RPS6KA4: variants seen among roughly 807,000 people sequenced by gnomAD.
RPS6KA4 encodes ribosomal protein S6 kinase alpha-4.
A neutral mutation model predicts 89.6 loss-of-function variants in RPS6KA4; 38 were observed. The ratio of observed to expected loss-of-function variants is 0.42; its 90% CI spans 0.33 to 0.56. The LOEUF is 0.56. RPS6KA4 is among the 20% of genes least tolerant of loss of function. The probability of loss-of-function intolerance (pLI) is 0.07; values close to 1 mark genes in which losing one functional copy is unlikely to be tolerated. For missense variants in RPS6KA4, 873 were observed against 1,098.8 expected, an observed-to-expected ratio of 0.79 and a Z score of 2.90; for synonymous variants, 495 against 492.8, an observed-to-expected ratio of 1.00 and a Z score of -0.06.
rs2135348768 is a variant in RPS6KA4, at chr11:64,370,816, C to T, written c.2121+90C>T. ...GCCCGGCCATCGGAGCACAGAAAGG[C>T]GAGGTGAGGCCGGGCGCGGTGGCTC... is the stretch of plus-strand genomic sequence containing the variant. On this transcript the variant is annotated intron_variant, in intron 16 of 16. Coordinates refer to ENST00000334205, the MANE Select transcript of RPS6KA4 (RefSeq NM_003942.3). This position sits in a 1 kb window ranked among gnomAD's most constrained non-coding sequence, Gnocchi z 4.1. 1.4e-6 allele frequency: 2 copies of T among 1,413,444 alleles called. No individual in the cohort carries two copies. Among genetic ancestry groups the T allele is most frequent in the East Asian group, 2.5e-5 (1 of 39,652 alleles). 87.6% of individuals were successfully genotyped at this position (1,413,444 alleles called of 1,614,324 possible).
At chr11:64,359,546 C>A in intron 2 of RPS6KA4, 97 bp downstream of exon 2, 4 of 1,308,538 alleles carry the variant, frequency 3.1e-6, no homozygotes, top group Non-Finnish European at 2.1e-6. Context: ...CTGAGCAGGC[C>A]CCCCACCCTT....
chr11:64,365,539 G>A (rs1367200638), intron 9 of RPS6KA4, 74 bp downstream of exon 9: 74 of 1,539,428 alleles, frequency 4.8e-5, no homozygotes, highest in Non-Finnish European at 5.6e-5. Context: ...TGGCTGGCCC[G>A]AGGACACTGC....
chr11:64,361,090 G>T lies in RPS6KA4; in HGVS notation c.463-44G>T. ...GGCCAGGAGCTGGAGGAGCTGGGGA[G>T]GGTTTCGGGGAGGAAGCCTCAGCAC... On this transcript the variant is annotated intron_variant, in intron 4 of 16. Transcript: ENST00000334205. The surrounding 1 kb of genome is among the most constrained non-coding windows in gnomAD (Gnocchi z 4.7). 6.4e-7 allele frequency: 1 copy of T among 1,552,596 alleles called. No individual in the cohort carries two copies. Among genetic ancestry groups the T allele is most frequent in the South Asian group, 1.1e-5 (1 of 88,156 alleles).
At chr11:64,369,333 A>C in intron 12 of RPS6KA4, 113 bp from the exon 13 acceptor site, 2 of 1,102,082 alleles carry the variant, frequency 1.8e-6, no homozygotes, top group Non-Finnish European at 2.5e-6. Flanking sequence ...GACTTTGAGG[A>C]GGGGGTTCTC....
intron 12 of RPS6KA4, 142 bp downstream of exon 12, chr11:64,368,939 A>C (rs552147664): frequency 1.3e-6 from 1 of 785,690 alleles, no homozygotes. Context: ...AGGCGCAGGG[A>C]GTGGAATTTG....
Position 64,361,398 on chromosome 11 carries a change from C to T in RPS6KA4, c.571-71C>T. 6.4e-7 allele frequency: 1 copy of T among 1,563,522 alleles called. No individual in the cohort carries two copies. The highest frequency in any genetic ancestry group is 8.8e-7 in the Non-Finnish European group (1 of 1,137,418). ...AACCTCACAAGTTGAGCGAGTCTTA[C>T]TCTGGGCCTTGTGGGGCACTGGGGC... On this transcript the variant is annotated intron_variant, in intron 5 of 16. Coordinates refer to ENST00000334205, the MANE Select transcript of RPS6KA4 (RefSeq NM_003942.3). The surrounding 1 kb of genome is among the most constrained non-coding windows in gnomAD (Gnocchi z 4.7).
Position 64,368,261 on chromosome 11 carries a change from G to GTGGGA in RPS6KA4, c.1200+5_1200+6insATGGG. ...GGTGGCCAGGAGCGCTATGATGCAGGTGGGCTGGGCTGGGCTGGGTTGGGG... is the reference window on the plus strand; with the variant it reads ...GGTGGCCAGGAGCGCTATGATGCAGGTGGGATGGGCTGGGCTGGGCTGGGTTGGGG... On this transcript the variant is annotated splice_donor_variant, in intron 10 of 16. Transcript: ENST00000334205. LOFTEE classifies it high-confidence loss of function. 2 of 1,613,190 alleles carry GTGGGA rather than the reference G, an allele frequency of 1.2e-6. No homozygotes were observed. Among genetic ancestry groups the GTGGGA allele is most frequent in the Non-Finnish European group, 1.7e-6 (2 of 1,179,936 alleles).
In RPS6KA4 at chr11:64,361,674, C is replaced by G. The variant is rs1045818808; in HGVS notation, c.684C>G (p.Leu228=). 3 of 1,612,668 alleles carry G rather than the reference C, an allele frequency of 1.9e-6. No homozygotes were observed. The highest frequency in any genetic ancestry group is 1.1e-5 in the South Asian group (1 of 91,048). ...ACTGGTGGAGCCTGGGCATCTTGCTCTTCGAGCTGCTGACGGGGGCCTCGC... is the reference window on the plus strand; with the variant it reads ...ACTGGTGGAGCCTGGGCATCTTGCTGTTCGAGCTGCTGACGGGGGCCTCGC... ...AVDWWSLGIL[L]FELLTGASPF... is the part of the protein sequence containing the mutation. Residue 228 remains leucine, a synonymous_variant, in exon 7 of 17, where the codon CTC becomes CTG. Transcript: ENST00000334205. This position sits in a 1 kb window ranked among gnomAD's most constrained non-coding sequence, Gnocchi z 4.7.
chr11:64,370,541 C>T lies in RPS6KA4; in HGVS notation c.1958-22C>T, dbSNP rs764677381. On this transcript the variant is annotated intron_variant, in intron 15 of 16. Coordinates refer to ENST00000334205, the MANE Select transcript of RPS6KA4 (RefSeq NM_003942.3). The surrounding 1 kb of genome is among the most constrained non-coding windows in gnomAD (Gnocchi z 4.1). The stretch of plus-strand genomic sequence containing the variant: ...AGCCTTTACGCCAGGCTCCTCCCCA[C>T]ACTTCCTTGCCCCGCCTCCAGGGCT... The T allele has an allele frequency of 1.5e-4, 233 of 1,588,928 alleles. No individual in the cohort carries two copies. Among genetic ancestry groups the T allele is most frequent in the Admixed American group, 2.4e-4 (14 of 58,016 alleles).
intron 8 of RPS6KA4, among the ~76,000 whole-genome samples, chr11:64,362,430 C>T (rs1487937136): frequency 6.6e-6 from 1 of 152,218 alleles, no homozygotes; most frequent in Non-Finnish European, 1.5e-5. Context: ...TTGTCCCCGT[C>T]CCTGTACAGT....
Position 64,370,399 on chromosome 11 carries a change from G to T in RPS6KA4, c.1957+15G>T. On this transcript the variant is annotated intron_variant, in intron 15 of 16. Transcript: ENST00000334205. The surrounding 1 kb of genome is among the most constrained non-coding windows in gnomAD (Gnocchi z 4.1). The stretch of plus-strand genomic sequence containing the variant: ...GCTGGTCCGAGGTGCGGAGCTGGAG[G>T]TCATAGACCATGGTTGGGGAGGGGG... The T allele has an allele frequency of 1.2e-6, 2 of 1,610,430 alleles. No homozygotes were observed. The highest frequency in any genetic ancestry group is 1.7e-6 in the Non-Finnish European group (2 of 1,178,872).
At chr11:64,368,380 TC>T in intron 10 of RPS6KA4, 87 bp from the exon 11 acceptor site, 1 of 1,543,246 alleles carries the variant, frequency 6.5e-7, no homozygotes, top group Non-Finnish European at 8.7e-7. Flanking sequence ...CCTAAGCCTC[TC>T]CGACATGGGG....
At position 64,370,694 on chromosome 11, in the gene RPS6KA4, G is replaced by T. The variant is rs1017388898; in HGVS notation, c.2089G>T (p.Ala697Ser). ...CGACGTGCTCGAGTCCTCTGGGCCC[G>T]CAGTGCGCTCGGGTCTCAACGCCAC... ...TPDVLESSGP[A>S]VRSGLNATFM... The change falls in exon 16 of 17, where the codon GCA (alanine) becomes TCA (serine). Residue 697 changes from alanine (A) to serine (S), a missense_variant. By Grantham distance (99) the Ala-to-Ser change is moderately conservative. Around this residue, in one of 4 missense-constraint regions of RPS6KA4, gnomAD observed 278 missense variants for 284.8 expected, o/e 0.98. Coordinates refer to ENST00000334205, the MANE Select transcript of RPS6KA4 (RefSeq NM_003942.3). This position sits in a 1 kb window ranked among gnomAD's most constrained non-coding sequence, Gnocchi z 4.1. The T allele has an allele frequency of 2.5e-6, 4 of 1,569,554 alleles. No individual in the cohort carries two copies. Among genetic ancestry groups the T allele is most frequent in the East Asian group, 2.3e-5 (1 of 43,948 alleles).
rs751418605 is a variant in RPS6KA4, at chr11:64,368,434, CCGCCTT to C, written c.1201-10_1201-5del. 386 of 1,544,424 alleles carry C rather than the reference CCGCCTT, an allele frequency of 2.5e-4. 1 individual carries two copies. Among genetic ancestry groups the C allele is most frequent in the East Asian group, 5.6e-4 (23 of 41,038 alleles). On this transcript the variant is annotated intron_variant, in intron 10 of 16. Transcript: ENST00000334205. ...GCTACCAGGTGGGACCTCTGACGCG[CCGCCTT>C]CGCCTTCGCCTTCGCCTTCGCCTCC...
chr11:64,370,580 C>A lies in RPS6KA4; in HGVS notation c.1975C>A (p.Pro659Thr). 1 of 1,592,522 alleles carries A rather than the reference C, an allele frequency of 6.3e-7. No homozygotes were observed. Among genetic ancestry groups the A allele is most frequent in the East Asian group, 2.2e-5 (1 of 44,544 alleles). The change falls in exon 16 of 17, where the codon CCC (proline) becomes ACC (threonine). Residue 659 changes from proline to threonine, a missense_variant. Physicochemically the swap from Pro to Thr is conservative, Grantham distance 38 (BLOSUM62 -1). Coordinates refer to ENST00000334205, the MANE Select transcript of RPS6KA4 (RefSeq NM_003942.3). This position sits in a 1 kb window ranked among gnomAD's most constrained non-coding sequence, Gnocchi z 4.1. Reference sequence around the variant, plus strand: ...GCCTCCAGGGCTCCTGACCGTGGACCCCGCCAAGCGGCTGAAGCTCGAGGG... The same window carrying A: ...GCCTCCAGGGCTCCTGACCGTGGACACCGCCAAGCGGCTGAAGCTCGAGGG... ...ELVRGLLTVD[P>T]AKRLKLEGLR...
chr11:64,369,402 C>T (rs781112752), intron 12 of RPS6KA4, 44 bp from the exon 13 acceptor site: 3 of 1,514,596 alleles, frequency 2.0e-6, no homozygotes, highest in African/African-American at 2.8e-5. Context: ...GGGGGCTTGC[C>T]GCCGTGGGTG....
At chr11:64,368,282 T>TG (rs758358825) in intron 10 of RPS6KA4, 22 bp downstream of exon 10, 45 of 1,611,016 alleles carry the variant, frequency 2.8e-5, no homozygotes, top group Middle Eastern at 1.7e-4. Context: ...TGGGCTGGGT[T>TG]GGGGGGAAAT....
Position 64,360,329 on chromosome 11 carries a change from GGTCACGCT to G in RPS6KA4, c.296_303del (p.Val99AlafsTer36). On this transcript the variant is annotated frameshift_variant, in exon 3 of 17. Transcript: ENST00000334205. LOFTEE classifies it high-confidence loss of function. ...AGCTGGTGCGCCAGGCGCCCTTCCT[GGTCACGCT>G]GCACTACGCTTTCCAGACGGATGCC... is the stretch of plus-strand genomic sequence containing the variant. The G allele has an allele frequency of 1.3e-6, 2 of 1,549,636 alleles. No individual in the cohort carries two copies. The highest frequency in any genetic ancestry group is 1.7e-6 in the Non-Finnish European group (2 of 1,146,726).
chr11:64,359,394 C>A lies in RPS6KA4; in HGVS notation c.72C>A (p.His24Gln), dbSNP rs571660732. Residue 24 changes from histidine (H) to glutamine (Q), a missense_variant, in exon 2 of 17, where the codon CAC becomes CAA. Physicochemically the swap from His to Gln is conservative, Grantham distance 24. Around this residue, in one of 4 missense-constraint regions of RPS6KA4, gnomAD observed 49 missense variants for 51.9 expected, o/e 0.94. Transcript: ENST00000334205. ...LRITEANLTGHEEKVSVENFE... is the reference protein window; with the variant it reads ...LRITEANLTGQEEKVSVENFE... ...TGCCCACAGCCAACCTGACCGGGCA[C>A]GAGGAGAAGGTGAGCGTGGAGAACT... 5.0e-6 allele frequency: 8 copies of A among 1,613,628 alleles called. No individual in the cohort carries two copies. Among genetic ancestry groups the A allele is most frequent in the Non-Finnish European group, 6.8e-6 (8 of 1,179,816 alleles).
Sources: allele counts gnomAD v4.1 joint callset (sites outside exome capture counted in the v4.1 genomes callset), GRCh38; gene constraint gnomAD v4.1.1; regional missense constraint gnomAD v4.1.1; non-coding constraint Gnocchi (gnomAD v3.1); transcripts MANE v1.5; gene names NCBI Gene and HGNC (gene_info 2026-07-23, HGNC 2026-07-21).